The following CRADD variants were observed in gnomAD, a reference collection of about 807,000 sequenced individuals.
CRADD encodes the protein CARD and death domain containing adaptor protein, also known as death domain-containing protein CRADD.
In CRADD, 9 loss-of-function variants were observed where a neutral mutation model predicts 15.5. The ratio of observed to expected loss-of-function variants is 0.58; its 90% CI spans 0.35 to 1.01. CRADD has a LOEUF of 1.01. CRADD is among the 50% of genes least tolerant of loss of function. The pLI, the probability that CRADD is intolerant of heterozygous loss-of-function variation, is 0.02. For missense variants in CRADD, 227 were observed against 250.3 expected, an observed-to-expected ratio of 0.91 and a Z score of 0.63; for synonymous variants, 118 against 107.6, an observed-to-expected ratio of 1.10 and a Z score of -0.60.
chr12:93,779,501 AAAATAAAAAGAAGAAAGGAAATAGAG>A (rs1318063660), intron 2 of CRADD, among the ~76,000 whole-genome samples: 10 of 152,158 alleles, frequency 6.6e-5, no homozygotes, highest in African/African-American at 2.2e-4. Flanking sequence ...AGAGTACAAA[AAAATAAAAAGAAGAAAGGAAATAGAG>A]AAATAAAAAG....
intron 2 of CRADD, among the ~76,000 whole-genome samples, chr12:93,862,966 C>T (rs1958329621): frequency 6.6e-6 from 1 of 152,168 alleles, no homozygotes; most frequent in Non-Finnish European, 1.5e-5. Flanking sequence ...ATTTATTCTC[C>T]TCCTCCAACA....
chr12:93,678,765 C>T lies in CRADD; in HGVS notation c.-6-4C>T, dbSNP rs779542269. On this transcript the variant is annotated splice_region_variant and splice_polypyrimidine_tract_variant and intron_variant, in intron 1 of 2. Coordinates refer to ENST00000332896, the MANE Select transcript of CRADD (RefSeq NM_003805.5). ...ATTTGAGCTGTGATTTTGGCTCTTT[C>T]CAGGGAGAAATGGAGGCCAGAGACA... 6.2e-7 allele frequency: 1 copy of T among 1,606,564 alleles called. No homozygotes were observed. The highest frequency in any genetic ancestry group is 1.1e-5 in the South Asian group (1 of 90,600).
intron 2 of CRADD, among the ~76,000 whole-genome samples, chr12:93,770,016 C>T (rs1484577543): frequency 6.6e-6 from 1 of 151,436 alleles, no homozygotes; most frequent in Admixed American, 6.6e-5. Context: ...CAATCTTTCT[C>T]TTTGTTGTTA....
chr12:93,750,455 G>A (rs1340168252), intron 2 of CRADD, among the ~76,000 whole-genome samples: 1 of 152,062 alleles, frequency 6.6e-6, no homozygotes, highest in African/African-American at 2.4e-5. Flanking sequence ...CTGGCAGGTA[G>A]AAAAGATAAC....
chr12:93,785,573 G>A (rs1208653127), intron 2 of CRADD, among the ~76,000 whole-genome samples: 1 of 152,212 alleles, frequency 6.6e-6, no homozygotes, highest in African/African-American at 2.4e-5. Flanking sequence ...AGACCAAGGA[G>A]AGGATATGTG....
At chr12:93,679,808 A>G (rs1955241494) in intron 2 of CRADD, among the ~76,000 whole-genome samples, 1 of 152,192 alleles carries the variant, frequency 6.6e-6, no homozygotes, top group Admixed American at 6.5e-5. Context: ...ACCAGCTGGA[A>G]AAGGTCAGAT....
rs1428675355 is a variant in CRADD, at chr12:93,679,050, G to A, written c.276G>A (p.Glu92=). ...AGAAGCTGAAGAAGGCAAGGGAAGAGGCCATGACCGACCTGCCTGCAGGTA... is the reference window on the plus strand; with the variant it reads ...AGAAGCTGAAGAAGGCAAGGGAAGAAGCCATGACCGACCTGCCTGCAGGTA... ...VREKLKKARE[E]AMTDLPAGDR... is the part of the protein sequence containing the mutation. Residue 92 remains glutamate, a synonymous_variant, in exon 2 of 3, where the codon GAG becomes GAA. Transcript: ENST00000332896. 20 of 1,613,232 alleles carry A rather than the reference G, an allele frequency of 1.2e-5. No homozygotes were observed. Among genetic ancestry groups the A allele is most frequent in the East Asian group, 1.1e-4 (5 of 44,888 alleles).
intron 2 of CRADD, among the ~76,000 whole-genome samples, chr12:93,808,030 G>A (rs1304299204): frequency 1.3e-5 from 2 of 148,860 alleles, no homozygotes; most frequent in African/African-American, 5.0e-5. Context: ...AACAGAGGTA[G>A]CATGGGGGTA....
chr12:93,685,947 C>T (rs1048414198), intron 2 of CRADD, among the ~76,000 whole-genome samples: 8 of 151,102 alleles, frequency 5.3e-5, no homozygotes, highest in African/African-American at 1.9e-4. Context: ...GAGCTGAGAT[C>T]GCGCCATTGC....
chr12:93,828,884 TG>T (rs1957856568), intron 2 of CRADD, among the ~76,000 whole-genome samples: 1 of 152,230 alleles, frequency 6.6e-6, no homozygotes, highest in Admixed American at 6.5e-5. Flanking sequence ...GGATTTTGAT[TG>T]GAAGTCATTT....
intron 2 of CRADD, among the ~76,000 whole-genome samples, chr12:93,770,333 G>A (rs1168360285): frequency 6.6e-6 from 1 of 151,808 alleles, no homozygotes; most frequent in African/African-American, 2.4e-5. Context: ...TCCTGACCTC[G>A]TGATCCGCCC....
At chr12:93,794,691 G>A (rs1259000327) in intron 2 of CRADD, among the ~76,000 whole-genome samples, 1 of 152,144 alleles carries the variant, frequency 6.6e-6, no homozygotes, top group Non-Finnish European at 1.5e-5. Context: ...CAGCCAGAGT[G>A]GTCTCTTTAA....
intron 2 of CRADD, among the ~76,000 whole-genome samples, chr12:93,880,291 A>G (rs914509527): frequency 4.6e-5 from 7 of 152,002 alleles, no homozygotes; most frequent in Non-Finnish European, 1.0e-4. Context: ...TTTTTCTTCA[A>G]GTGGAAGAGG....
intron 2 of CRADD, among the ~76,000 whole-genome samples, chr12:93,724,063 AG>A (rs1956310395): frequency 6.6e-6 from 1 of 152,148 alleles, no homozygotes; most frequent in African/African-American, 2.4e-5. Context: ...CCTGCTGGAA[AG>A]GGATTTTTCT....
intron 2 of CRADD, among the ~76,000 whole-genome samples, chr12:93,810,964 A>G (rs550701493): frequency 4.6e-5 from 7 of 152,218 alleles, no homozygotes; most frequent in African/African-American, 1.7e-4. Flanking sequence ...GCAAGTGACT[A>G]AGTCCCTTAG....
rs761719331 is a variant in CRADD, at chr12:93,886,162, C to CTTT, written c.299-7870_299-7868dup. The stretch of plus-strand genomic sequence containing the variant: ...ATGGACATGCCTCTAGCTGCTGATG[C>CTTT]TTTTTTTTTTTTTTTTTTTTGAGAC... On this transcript the variant is annotated intron_variant, in intron 2 of 2. Coordinates refer to the CRADD transcript ENST00000548483. 7.0e-3 allele frequency among the ~76,000 whole-genome samples: 873 copies of CTTT among 123,888 alleles called. 37 individuals carry two copies. Among genetic ancestry groups the CTTT allele is most frequent in the East Asian group, 8.8e-3 (38 of 4,330 alleles). 81.3% of individuals were successfully genotyped at this position (123,888 alleles called of 152,430 possible). A position where few individuals can be genotyped will look rare whatever the true frequency, so the allele number is the denominator to read the frequency against.
chr12:93,885,437 C>T (rs1958529572), intron 2 of CRADD, among the ~76,000 whole-genome samples: 1 of 136,214 alleles, frequency 7.3e-6, no homozygotes, highest in African/African-American at 3.3e-5. Context: ...GGTCCTCGTG[C>T]CCCCGCCACC....
At chr12:93,755,040 A>AG (rs1370868435) in intron 2 of CRADD, among the ~76,000 whole-genome samples, 1 of 152,086 alleles carries the variant, frequency 6.6e-6, no homozygotes, top group Non-Finnish European at 1.5e-5. Flanking sequence ...CAGAAGGTGA[A>AG]GGAGGAGCAA....
At chr12:93,845,578 A>ATATATT (rs11474114) in intron 2 of CRADD, among the ~76,000 whole-genome samples, 6,228 of 77,300 alleles carry the variant, frequency 0.081, 139 homozygotes, top group Middle Eastern at 0.12. Flanking sequence ...ATATATATAT[A>ATATATT]TTTTTAATAA....
Sources: allele counts gnomAD v4.1 joint callset (sites outside exome capture counted in the v4.1 genomes callset), GRCh38; gene constraint gnomAD v4.1.1; transcripts MANE v1.5; gene names NCBI Gene and HGNC (gene_info 2026-07-23, HGNC 2026-07-21).